Variants in SLC24A2 observed in about 807,000 individuals in gnomAD.
SLC24A2 encodes the protein solute carrier family 24 member 2.
In SLC24A2, 36 loss-of-function variants were observed where a neutral mutation model predicts 62.0. That is an observed-to-expected ratio of 0.58 (90% CI 0.44 to 0.77). The LOEUF is 0.77. Ranked by LOEUF, SLC24A2 falls within the 30% of genes least tolerant of loss-of-function variation. SLC24A2 has a pLI of 0.00. For missense variants in SLC24A2, 846 were observed against 817.9 expected, an observed-to-expected ratio of 1.03 and a Z score of -0.42; for synonymous variants, 358 against 294.0, an observed-to-expected ratio of 1.22 and a Z score of -2.23.
chr9:20,041,036 T>A, the SLC24A2 span, among the ~76,000 whole-genome samples: 3 of 152,264 alleles, frequency 2.0e-5, no homozygotes, highest in African/African-American at 7.2e-5. Flanking sequence ...GCTCTGAATT[T>A]TTTTTAGGAC....
At chr9:19,544,186 G>A (rs1834427017) in intron 8 of SLC24A2, among the ~76,000 whole-genome samples, 1 of 150,806 alleles carries the variant, frequency 6.6e-6, no homozygotes, top group African/African-American at 2.4e-5. Flanking sequence ...TTAGGTAATG[G>A]CCTTCTTTCT....
chr9:20,207,690 C>T, the SLC24A2 span, among the ~76,000 whole-genome samples: 3 of 152,116 alleles, frequency 2.0e-5, no homozygotes, highest in East Asian at 1.9e-4. Flanking sequence ...GCTTTATATC[C>T]ATGATGTTAA....
At chr9:20,132,370 G>A in the SLC24A2 span, among the ~76,000 whole-genome samples, 1 of 152,088 alleles carries the variant, frequency 6.6e-6, no homozygotes, top group Admixed American at 6.6e-5. Flanking sequence ...ATGTGTTACT[G>A]TGATCCACTA....
chr9:19,559,805 T>A (rs1835301907), intron 7 of SLC24A2, among the ~76,000 whole-genome samples: 1 of 152,208 alleles, frequency 6.6e-6, no homozygotes, highest in African/African-American at 2.4e-5. Context: ...CCTCCATTGT[T>A]TCCTAAACAT....
the SLC24A2 span, among the ~76,000 whole-genome samples, chr9:20,299,446 C>A: frequency 3.3e-5 from 5 of 152,214 alleles, no homozygotes; most frequent in Middle Eastern, 3.2e-3. Flanking sequence ...GAAGCCAAAG[C>A]AGCATCAATC....
intron 2 of SLC24A2, among the ~76,000 whole-genome samples, chr9:19,689,004 A>C (rs1819966346): frequency 6.6e-6 from 1 of 152,196 alleles, no homozygotes. Context: ...CTCTAAATTT[A>C]TAATGAAAGT....
chr9:19,795,314 C>T, the SLC24A2 span, among the ~76,000 whole-genome samples: 1 of 141,590 alleles, frequency 7.1e-6, no homozygotes, highest in Non-Finnish European at 1.5e-5. Flanking sequence ...GGTAATAAGC[C>T]TGTTTGGGGT....
chr9:19,518,797 G>A (rs1249333836), intron 10 of SLC24A2, among the ~76,000 whole-genome samples: 2 of 152,112 alleles, frequency 1.3e-5, no homozygotes, highest in Non-Finnish European at 2.9e-5. Flanking sequence ...AAGCTATGAA[G>A]AAAGTTTCAC....
rs1554665663 is a variant in SLC24A2 at position 19,513,153 on chromosome 9, G to GATAGATATAT, written c.*2999_*3000insATATATCTAT. On this transcript the variant is annotated 3_prime_UTR_variant, in exon 11 of 11. Coordinates refer to ENST00000341998, the MANE Select transcript of SLC24A2 (RefSeq NM_020344.4). ...TGTGTACATATAGATCTGGTATAAA[G>GATAGATATAT]ATATATATATATATATATATATGTA... The GATAGATATAT allele has an allele frequency of 1.2e-5, 1 of 80,592 alleles. No individual in the cohort carries two copies. Among genetic ancestry groups the GATAGATATAT allele is most frequent in the African/African-American group, 4.7e-5 (1 of 21,204 alleles). The allele number at this position is 80,592 out of a possible 1,614,324, so 5.0% of individuals were successfully genotyped here. A position where few individuals can be genotyped will look rare whatever the true frequency, so the allele number is the denominator to read the frequency against.
At chr9:20,121,510 C>T in the SLC24A2 span, among the ~76,000 whole-genome samples, 1 of 152,026 alleles carries the variant, frequency 6.6e-6, no homozygotes, top group African/African-American at 2.4e-5. Flanking sequence ...TCCCATCTGC[C>T]AACAAAATTT....
At chr9:19,535,423 T>C (rs1586910209) in intron 8 of SLC24A2, among the ~76,000 whole-genome samples, 1 of 152,236 alleles carries the variant, frequency 6.6e-6, no homozygotes, top group African/African-American at 2.4e-5. Context: ...ATGAAGTCTT[T>C]CCTAATGCCT....
At chr9:19,672,028 G>A (rs1042162176) in intron 2 of SLC24A2, among the ~76,000 whole-genome samples, 1 of 145,286 alleles carries the variant, frequency 6.9e-6, no homozygotes. Flanking sequence ...TTTTTGTTAC[G>A]TCCTTTCCTG....
At chr9:19,881,913 TAGTG>T in the SLC24A2 span, among the ~76,000 whole-genome samples, 1 of 152,224 alleles carries the variant, frequency 6.6e-6, no homozygotes. Context: ...CAGTATTAAA[TAGTG>T]AGCATTTCTG....
chr9:19,691,633 G>A (rs1359115406), intron 2 of SLC24A2, among the ~76,000 whole-genome samples: 1 of 151,870 alleles, frequency 6.6e-6, no homozygotes, highest in Non-Finnish European at 1.5e-5. Flanking sequence ...TTGAGAAATG[G>A]GTTTATTTCT....
the SLC24A2 span, among the ~76,000 whole-genome samples, chr9:20,180,325 G>T: frequency 1.3e-5 from 2 of 151,972 alleles, no homozygotes; most frequent in African/African-American, 4.8e-5. Context: ...ATAGATATTG[G>T]TTATTATCTC....
the SLC24A2 span, among the ~76,000 whole-genome samples, chr9:20,024,750 G>A: frequency 5.9e-5 from 9 of 152,136 alleles, no homozygotes; most frequent in Admixed American, 1.3e-4. Context: ...CTACAAAGTC[G>A]GGGTGAGGTG....
chr9:19,879,317 T>C, the SLC24A2 span, among the ~76,000 whole-genome samples: 1 of 152,124 alleles, frequency 6.6e-6, no homozygotes, highest in Non-Finnish European at 1.5e-5. Flanking sequence ...TTGTATGCAG[T>C]CTGCAAAGAG....
chr9:20,298,219 A>C, the SLC24A2 span, among the ~76,000 whole-genome samples: 1 of 152,224 alleles, frequency 6.6e-6, no homozygotes, highest in South Asian at 2.1e-4. Flanking sequence ...TGAGGTTCAG[A>C]AAGATTAATT....
chr9:20,246,471 G>T, the SLC24A2 span, among the ~76,000 whole-genome samples: 1 of 152,168 alleles, frequency 6.6e-6, no homozygotes, highest in Admixed American at 6.5e-5. Flanking sequence ...CAAACATTCA[G>T]TCAGGAGGAA....
Sources: gnomAD v4.1 joint callset for allele counts (sites outside exome capture counted in the v4.1 genomes callset) on GRCh38, gnomAD v4.1.1 for gene constraint, MANE v1.5 for transcripts, NCBI Gene and HGNC (gene_info 2026-07-23, HGNC 2026-07-21) for gene names.